The following PLXNB2 variants were observed in gnomAD, a reference collection of about 807,000 sequenced individuals.
PLXNB2 encodes plexin-B2.
PLXNB2 carries 85 observed loss-of-function variants against 202.6 expected under a neutral mutation model. That is an observed-to-expected ratio of 0.42 (90% confidence interval 0.35 to 0.50). The LOEUF is 0.50. Among genes scored for constraint, PLXNB2 ranks in the 20% least tolerant of loss-of-function variants. The pLI is 0.02. For missense variants in PLXNB2, 2,063 were observed against 2,586.2 expected, an observed-to-expected ratio of 0.80 and a Z score of 4.39; for synonymous variants, 1,239 against 1,137.6, an observed-to-expected ratio of 1.09 and a Z score of -1.79.
In PLXNB2 at chr22:50,275,260, C is replaced by T. The variant is rs1384903092; in HGVS notation, c.*444G>A. ...AAGGCATCGTACCGCTTTTTCTCCT[C>T]CTCCCATCTCGTGGTGGACAGACAG... is the stretch of plus-strand genomic sequence containing the variant. On this transcript the variant is annotated 3_prime_UTR_variant, in exon 37 of 37. Transcript: ENST00000359337. 5.2e-6 allele frequency: 2 copies of T among 385,824 alleles called. No individual in the cohort carries two copies. The highest frequency in any genetic ancestry group is 1.0e-5 in the Non-Finnish European group (2 of 192,890). The allele number at this position is 385,824 out of a possible 1,614,324, so 23.9% of individuals were successfully genotyped here.
intron 1 of PLXNB2, among the ~76,000 whole-genome samples, chr22:50,299,680 G>A (rs1358387476): frequency 6.6e-6 from 1 of 152,136 alleles, no homozygotes; most frequent in Non-Finnish European, 1.5e-5. Context: ...GGTAGGCGCG[G>A]GGAGGGACTG....
chr22:50,306,394 A>C (rs2067883549), intron 1 of PLXNB2, among the ~76,000 whole-genome samples: 1 of 151,990 alleles, frequency 6.6e-6, no homozygotes, highest in African/African-American at 2.4e-5. Context: ...CCTCCGGGAG[A>C]CCCTCACCTC....
Position 50,288,482 on chromosome 22 carries a change from A to G in PLXNB2, c.1380+261T>C, listed in dbSNP as rs567975152. Among the ~76,000 whole-genome samples the G allele has an allele frequency of 6.6e-6, 1 of 152,242 alleles. No homozygotes were observed. Among genetic ancestry groups the G allele is most frequent in the East Asian group, 1.9e-4 (1 of 5,160 alleles). On this transcript the variant is annotated intron_variant, in intron 5 of 36. Coordinates refer to ENST00000359337, the MANE Select transcript of PLXNB2 (RefSeq NM_012401.4). The surrounding 1 kb of genome is among the most constrained non-coding windows in gnomAD (Gnocchi z 5.0). Reference sequence around the variant, plus strand: ...GGTCCCTTCCATCAGGACAGGGCAGAGGCGGGGCCAGAGGGAGAGACATGG... The same window carrying G: ...GGTCCCTTCCATCAGGACAGGGCAGGGGCGGGGCCAGAGGGAGAGACATGG...
chr22:50,275,371 T>A lies in PLXNB2; in HGVS notation c.*333A>T. On this transcript the variant is annotated 3_prime_UTR_variant, in exon 37 of 37. Transcript: ENST00000359337. The stretch of plus-strand genomic sequence containing the variant: ...CCTAGGGCATGGAGGCGGCTGCTGG[T>A]GCGTGGGCGGAGGCGGAGGCCAGCT... 2.1e-6 allele frequency: 1 copy of A among 475,194 alleles called. No homozygotes were observed. Among genetic ancestry groups the A allele is most frequent in the Non-Finnish European group, 4.2e-6 (1 of 240,836 alleles). The allele number at this position is 475,194 out of a possible 1,614,324, so 29.4% of individuals were successfully genotyped here. A position where few individuals can be genotyped will look rare whatever the true frequency, so the allele number is the denominator to read the frequency against.
intron 1 of PLXNB2, among the ~76,000 whole-genome samples, chr22:50,299,826 G>A (rs893775128): frequency 1.3e-5 from 2 of 152,176 alleles, no homozygotes; most frequent in African/African-American, 4.8e-5. Flanking sequence ...TGCGAGCCCG[G>A]TACCCGGCCA....
chr22:50,298,714 T>C (rs2067453999), intron 1 of PLXNB2, among the ~76,000 whole-genome samples: 1 of 152,166 alleles, frequency 6.6e-6, no homozygotes, highest in Admixed American at 6.5e-5. Flanking sequence ...GGCATGATCT[T>C]GGCTCACTGC....
In PLXNB2 at chr22:50,291,483, T is replaced by TGGGTGAGCTGCTGAGGACCA. The variant is rs2147554300; in HGVS notation, c.-13-906_-13-887dup. Among the ~76,000 whole-genome samples the TGGGTGAGCTGCTGAGGACCA allele has an allele frequency of 6.6e-6, 1 of 152,112 alleles. No homozygotes were observed. Among genetic ancestry groups the TGGGTGAGCTGCTGAGGACCA allele is most frequent in the Admixed American group, 6.5e-5 (1 of 15,300 alleles). ...TGGATGAGGGGGATGTGTGGTGTGA[T>TGGGTGAGCTGCTGAGGACCA]GGGTGAGCTGCTGAGGACCAGGCTG... On this transcript the variant is annotated intron_variant, in intron 2 of 36. Coordinates refer to ENST00000359337, the MANE Select transcript of PLXNB2 (RefSeq NM_012401.4). The surrounding 1 kb of genome is among the most constrained non-coding windows in gnomAD (Gnocchi z 4.3).
chr22:50,287,840 C>A, intron 6 of PLXNB2, 47 bp from the exon 7 acceptor site: 1 of 1,595,614 alleles, frequency 6.3e-7, no homozygotes, highest in Non-Finnish European at 8.5e-7. Flanking sequence ...GTCTTGTTCT[C>A]CCGGGACAGG....
intron 36 of PLXNB2, 33 bp from the exon 37 acceptor site, chr22:50,275,841 G>C: frequency 3.1e-6 from 5 of 1,607,832 alleles, no homozygotes; most frequent in Non-Finnish European, 4.3e-6. Flanking sequence ...CACACCGGGG[G>C]ACCGCCCAGC....
chr22:50,303,347 C>T (rs2147726050), intron 1 of PLXNB2, among the ~76,000 whole-genome samples: 1 of 152,358 alleles, frequency 6.6e-6, no homozygotes, highest in East Asian at 1.9e-4. Context: ...GGGGTTCCTC[C>T]TCTGAGAAGT....
chr22:50,287,028 G>A, intron 8 of PLXNB2, 83 bp downstream of exon 8: 1 of 1,336,008 alleles, frequency 7.5e-7, no homozygotes. Context: ...CTGCACCCAG[G>A]GGCCAGCAGA....
chr22:50,305,137 C>T (rs2067839513), intron 1 of PLXNB2, among the ~76,000 whole-genome samples: 1 of 152,264 alleles, frequency 6.6e-6, no homozygotes, highest in Admixed American at 6.5e-5. Context: ...TGCACCCCTG[C>T]CCACGCCCGC....
intron 8 of PLXNB2, among the ~76,000 whole-genome samples, chr22:50,286,711 G>A (rs1176493961): frequency 2.0e-5 from 3 of 152,210 alleles, no homozygotes; most frequent in Non-Finnish European, 4.4e-5. Flanking sequence ...TGGGCGCGAC[G>A]CCTGCCCTGG....
rs764440100 is a variant in PLXNB2, at chr22:50,281,587, T to C, written c.3501A>G (p.Thr1167=). The C allele has an allele frequency of 1.2e-6, 2 of 1,611,076 alleles. No homozygotes were observed. The highest frequency in any genetic ancestry group is 1.1e-5 in the South Asian group (1 of 90,932). ...GCACAATGAACTCGGGCAGGTTGTG[T>C]GTGGTGTCTCGTTTCTGCCGCCGCT... is the stretch of plus-strand genomic sequence containing the variant. ...PPKRRQKRDT[T]HNLPEFIVKF... is the part of the protein sequence containing the mutation. The change falls in exon 21 of 37, where the codon ACA becomes ACG. Residue 1167 remains threonine (T), a synonymous_variant. Transcript: ENST00000359337.
intron 23 of PLXNB2, 33 bp downstream of exon 23, chr22:50,281,056 G>A (rs376841745): frequency 1.2e-5 from 19 of 1,604,394 alleles, no homozygotes; most frequent in South Asian, 5.5e-5. Context: ...GCCCCAGGAG[G>A]CGCCCCAGCA....
rs2066107436 is a variant in PLXNB2, at chr22:50,282,766, TGAA to T, written c.2929_2931del (p.Phe977del). 8 of 1,584,512 alleles carry T rather than the reference TGAA, an allele frequency of 5.0e-6. No homozygotes were observed. Among genetic ancestry groups the T allele is most frequent in the Middle Eastern group, 1.7e-4 (1 of 5,954 alleles). On this transcript the variant is annotated inframe_deletion, in exon 18 of 37. Transcript: ENST00000359337. ...CGCAGTACGGGGTTTTCGCGGTAGG[TGAA>T]GAAGATGCCGGGGTTGGGCACGGGG...
intron 1 of PLXNB2, among the ~76,000 whole-genome samples, chr22:50,295,289 C>G (rs1389107471): frequency 6.7e-6 from 1 of 149,160 alleles, no homozygotes; most frequent in Non-Finnish European, 1.5e-5. Flanking sequence ...CCACTACACT[C>G]CAGCCTGACT....
chr22:50,306,257 C>T (rs2147740077), intron 1 of PLXNB2, among the ~76,000 whole-genome samples: 1 of 152,326 alleles, frequency 6.6e-6, no homozygotes, highest in South Asian at 2.1e-4. Context: ...GAGGTGGGCC[C>T]CCCATAGGTA....
rs931411561 is a variant in PLXNB2, at chr22:50,284,336, C to G, written c.2182-123G>C. 3 of 958,862 alleles carry G rather than the reference C, an allele frequency of 3.1e-6. No individual in the cohort carries two copies. The highest frequency in any genetic ancestry group is 4.8e-5 in the East Asian group (2 of 41,610). The allele number at this position is 958,862 out of a possible 1,614,324, so 59.4% of individuals were successfully genotyped here. On this transcript the variant is annotated intron_variant, in intron 12 of 36. Transcript: ENST00000359337. This position sits in a 1 kb window ranked among gnomAD's most constrained non-coding sequence, Gnocchi z 8.0. ...TCCCAGCCAAGGGCAGCAGGGGAGG[C>G]CTTCAGGTGTCGGAAGTTCGGGAAC...
Sources: gnomAD v4.1 joint callset for allele counts (sites outside exome capture counted in the v4.1 genomes callset) on GRCh38, gnomAD v4.1.1 for gene constraint, Gnocchi (gnomAD v3.1) non-coding constraint, MANE v1.5 for transcripts, NCBI Gene and HGNC (gene_info 2026-07-23, HGNC 2026-07-21) for gene names.